CPLX2: variants seen among roughly 807,000 people sequenced by gnomAD.
CPLX2 encodes complexin 2, also known as complexin-2.
In CPLX2, 5 loss-of-function variants were observed where a neutral mutation model predicts 16.3. The ratio of observed to expected loss-of-function variants is 0.31; its 90% CI spans 0.16 to 0.64. CPLX2 has a LOEUF of 0.64. Ranked by LOEUF, CPLX2 falls within the 30% of genes least tolerant of loss-of-function variation. The pLI is 0.79. For synonymous variants in CPLX2, 89 were observed against 73.2 expected (o/e 1.22, Z -1.10); for missense variants, 144 against 181.4 (o/e 0.79, Z 1.18).
At chr5:175,819,666 T>C (rs1302209053) in intron 2 of CPLX2, among the ~76,000 whole-genome samples, 1 of 152,338 alleles carries the variant, frequency 6.6e-6, no homozygotes, top group African/African-American at 2.4e-5. Flanking sequence ...AACCTCTGGC[T>C]GATACCAGGG....
intron 2 of CPLX2, among the ~76,000 whole-genome samples, chr5:175,816,373 A>G (rs1419078846): frequency 2.6e-5 from 4 of 152,036 alleles, no homozygotes; most frequent in African/African-American, 9.7e-5. Flanking sequence ...TCACCGTGTT[A>G]GCCAGGATGG....
chr5:175,861,142 CAAGTTATT>C (rs1408451020), intron 2 of CPLX2, among the ~76,000 whole-genome samples: 4 of 152,160 alleles, frequency 2.6e-5, no homozygotes, highest in Non-Finnish European at 5.9e-5. Flanking sequence ...TGGGCCAAGA[CAAGTTATT>C]TCAACCCCAA....
At chr5:175,844,161 G>T (rs1488053910) in intron 2 of CPLX2, among the ~76,000 whole-genome samples, 1 of 152,220 alleles carries the variant, frequency 6.6e-6, no homozygotes, top group Non-Finnish European at 1.5e-5. Flanking sequence ...GCACTGCCCA[G>T]GTGGGAATCA....
At position 175,881,887 on chromosome 5, in the gene CPLX2, G is replaced by T. The variant is rs1405280013; in HGVS notation, c.*1842G>T. 1 of 152,678 alleles carries T rather than the reference G, an allele frequency of 6.5e-6. No individual in the cohort carries two copies. Among genetic ancestry groups the T allele is most frequent in the African/African-American group, 2.4e-5 (1 of 41,452 alleles). The allele number at this position is 152,678 out of a possible 1,614,324, so 9.5% of individuals were successfully genotyped here. On this transcript the variant is annotated 3_prime_UTR_variant, in exon 4 of 4. Coordinates refer to ENST00000393745, the MANE Select transcript of CPLX2 (RefSeq NM_001008220.2). The stretch of plus-strand genomic sequence containing the variant: ...CCCTTGTTCCCATTGGCCCCAGTTT[G>T]CATTCTGCAGGTTTTCCATTTTAGT...
rs187443866 is a variant in CPLX2, at chr5:175,797,815, T to G, written c.-169+1031T>G. Among the ~76,000 whole-genome samples, 107 of 152,278 alleles carry G rather than the reference T, an allele frequency of 7.0e-4. 2 individuals carry two copies. The East Asian group carries it at 0.014, about 19-fold the overall frequency. ...CGAACTCGGCTTAGACCTGGGAGGT[T>G]GCAATTAGCAAGAAAAAAGGTTGAG... On this transcript the variant is annotated intron_variant, in intron 1 of 4. Coordinates refer to the CPLX2 transcript ENST00000359546.
chr5:175,827,041 T>G (rs1010057036), intron 2 of CPLX2, among the ~76,000 whole-genome samples: 9 of 152,198 alleles, frequency 5.9e-5, no homozygotes, highest in African/African-American at 1.9e-4. Flanking sequence ...CAGGGTGGTT[T>G]CTGCTGCTCC....
rs1197808704 is a variant in CPLX2 at position 175,815,605 on chromosome 5, T to C, written c.-89+6537T>C. Among the ~76,000 whole-genome samples the C allele has an allele frequency of 2.0e-5, 3 of 152,138 alleles. 1 individual carries two copies. Among genetic ancestry groups the C allele is most frequent in the South Asian group, 4.2e-4 (2 of 4,790 alleles). ...GTATTATCAATTCACAGGAAAACAA[T>C]TAAATGTTGTGTTGACCAAACAATA... On this transcript the variant is annotated intron_variant, in intron 2 of 4. Transcript: ENST00000359546.
intron 2 of CPLX2, among the ~76,000 whole-genome samples, chr5:175,862,714 A>G (rs1182679794): frequency 6.6e-6 from 1 of 152,232 alleles, no homozygotes; most frequent in Non-Finnish European, 1.5e-5. Context: ...TCTTTAAACA[A>G]GAAACAAAGG....
At chr5:175,834,601 G>A (rs1325288032) in intron 2 of CPLX2, among the ~76,000 whole-genome samples, 3 of 152,156 alleles carry the variant, frequency 2.0e-5, no homozygotes, top group Non-Finnish European at 2.9e-5. Flanking sequence ...AGCTGGGTGT[G>A]GTGGCTCAAG....
chr5:175,879,583 T>C (rs1358649518), intron 3 of CPLX2: 6 of 587,020 alleles, frequency 1.0e-5, no homozygotes, highest in Non-Finnish European at 1.8e-5. Context: ...AAACGCCATG[T>C]GTTCAGATCT....
intron 2 of CPLX2, among the ~76,000 whole-genome samples, chr5:175,820,544 C>T (rs1294589157): frequency 6.6e-6 from 1 of 152,174 alleles, no homozygotes; most frequent in Non-Finnish European, 1.5e-5. Flanking sequence ...CACAATGAGT[C>T]CTAGAAGGGC....
intron 2 of CPLX2, among the ~76,000 whole-genome samples, chr5:175,820,677 C>T (rs898832250): frequency 2.6e-5 from 4 of 152,190 alleles, no homozygotes; most frequent in Admixed American, 6.5e-5. Flanking sequence ...ACACACAGCC[C>T]GTGTGACTGT....
At chr5:175,814,708 G>C (rs887245852) in intron 2 of CPLX2, among the ~76,000 whole-genome samples, 1 of 152,170 alleles carries the variant, frequency 6.6e-6, no homozygotes, top group Non-Finnish European at 1.5e-5. Flanking sequence ...AGAACCAAAG[G>C]GAAAGCTGGA....
At chr5:175,843,989 A>G (rs897795833) in intron 2 of CPLX2, among the ~76,000 whole-genome samples, 1 of 152,246 alleles carries the variant, frequency 6.6e-6, no homozygotes, top group Admixed American at 6.5e-5. Context: ...GGCCTTGCCC[A>G]TGTGGGGCAG....
At chr5:175,834,124 C>T (rs1231394814) in intron 2 of CPLX2, among the ~76,000 whole-genome samples, 1 of 152,228 alleles carries the variant, frequency 6.6e-6, no homozygotes, top group Non-Finnish European at 1.5e-5. Context: ...GGAAGGCCTG[C>T]CTCTGGATGC....
chr5:175,850,069 A>G (rs543765380), intron 2 of CPLX2, among the ~76,000 whole-genome samples: 1 of 152,196 alleles, frequency 6.6e-6, no homozygotes, highest in Non-Finnish European at 1.5e-5. Flanking sequence ...ATCAAGGCAC[A>G]TGAGGGCAAT....
chr5:175,819,760 T>G (rs1758473101), intron 2 of CPLX2, among the ~76,000 whole-genome samples: 1 of 152,070 alleles, frequency 6.6e-6, no homozygotes, highest in Non-Finnish European at 1.5e-5. Flanking sequence ...AGGTCAAAAG[T>G]GTTATCAGTA....
In CPLX2 at chr5:175,880,178, G is replaced by A. The variant is rs565094291; in HGVS notation, c.*133G>A. The stretch of plus-strand genomic sequence containing the variant: ...CCTCTGCCCCTCTTCCCTGGCCAGG[G>A]GCTTCTCCCCCTCAGCTCTCCCTCA... On this transcript the variant is annotated 3_prime_UTR_variant, in exon 4 of 4. Coordinates refer to ENST00000393745, the MANE Select transcript of CPLX2 (RefSeq NM_001008220.2). 34 of 945,746 alleles carry A rather than the reference G, an allele frequency of 3.6e-5. No homozygotes were observed. The highest frequency in any genetic ancestry group is 1.2e-4 in the Admixed American group (6 of 50,180). The allele number at this position is 945,746 out of a possible 1,614,324, so 58.6% of individuals were successfully genotyped here.
At chr5:175,801,057 G>A (rs1393549379) in intron 1 of CPLX2, among the ~76,000 whole-genome samples, 1 of 151,818 alleles carries the variant, frequency 6.6e-6, no homozygotes, top group African/African-American at 2.4e-5. Flanking sequence ...GCAGGGAGGG[G>A]GCAGAGAGGA....
Sources: allele counts gnomAD v4.1 joint callset (sites outside exome capture counted in the v4.1 genomes callset), GRCh38; gene constraint gnomAD v4.1.1; transcripts MANE v1.5; gene names NCBI Gene and HGNC (gene_info 2026-07-23, HGNC 2026-07-21).